Variants in SPAG16 observed in about 807,000 individuals in gnomAD.
SPAG16 encodes sperm associated antigen 16.
SPAG16 carries 86 observed loss-of-function variants against 80.4 expected under a neutral mutation model. That is an observed-to-expected ratio of 1.07 (90% confidence interval 0.90 to 1.28). SPAG16 has a LOEUF of 1.28. Among genes scored for constraint, SPAG16 ranks in the 50% most tolerant of loss-of-function variants. The pLI, the probability that SPAG16 is intolerant of heterozygous loss-of-function variation, is 0.00. For synonymous variants in SPAG16, 294 were observed against 265.9 expected, an observed-to-expected ratio of 1.11 and a Z score of -1.03; for missense variants, 870 against 765.3, an observed-to-expected ratio of 1.14 and a Z score of -1.61.
chr2:213,878,522 T>G (rs1031156891), intron 11 of SPAG16, among the ~76,000 whole-genome samples: 6 of 152,012 alleles, frequency 3.9e-5, no homozygotes, highest in Non-Finnish European at 8.8e-5. Context: ...TATTGCGGAG[T>G]TTTTTGAGTT....
intron 13 of SPAG16, among the ~76,000 whole-genome samples, chr2:214,054,546 G>T (rs1374909688): frequency 1.3e-5 from 2 of 152,126 alleles, no homozygotes; most frequent in Non-Finnish European, 2.9e-5. Context: ...AGACCCCAAT[G>T]AAGAAAATAT....
intron 9 of SPAG16, among the ~76,000 whole-genome samples, chr2:213,407,725 G>A (rs1458193158): frequency 6.9e-6 from 1 of 144,848 alleles, no homozygotes; most frequent in Admixed American, 6.9e-5. Flanking sequence ...AAGAGAGACA[G>A]GAGAGAGAGA....
chr2:213,424,643 T>C (rs1177374044), intron 9 of SPAG16, among the ~76,000 whole-genome samples: 5 of 152,220 alleles, frequency 3.3e-5, no homozygotes, highest in Non-Finnish European at 7.3e-5. Flanking sequence ...TCTAATGGCA[T>C]AAAAAATAAA....
At chr2:213,405,239 A>G (rs556635818) in intron 9 of SPAG16, among the ~76,000 whole-genome samples, 2 of 152,302 alleles carry the variant, frequency 1.3e-5, no homozygotes, top group African/African-American at 4.8e-5. Flanking sequence ...AATTTTAGCT[A>G]TTAAGATTTC....
chr2:213,416,621 A>G (rs1575535398), intron 9 of SPAG16, among the ~76,000 whole-genome samples: 2 of 152,084 alleles, frequency 1.3e-5, no homozygotes, highest in East Asian at 1.9e-4. Flanking sequence ...TGAACAAGGC[A>G]TTTCATTGAG....
intron 9 of SPAG16, among the ~76,000 whole-genome samples, chr2:213,394,736 A>C (rs1393005052): frequency 6.6e-6 from 1 of 152,190 alleles, no homozygotes; most frequent in Non-Finnish European, 1.5e-5. Context: ...GCATAATTCC[A>C]CTGAGTCATC....
At chr2:213,438,689 A>G (rs115129138) in intron 9 of SPAG16, among the ~76,000 whole-genome samples, 2,669 of 152,314 alleles carry the variant, frequency 0.018, 66 homozygotes, top group African/African-American at 0.05. Context: ...GTATGACGAG[A>G]TGGTACTCCT....
chr2:214,048,496 T>TA (rs959663848), intron 13 of SPAG16, among the ~76,000 whole-genome samples: 2 of 150,556 alleles, frequency 1.3e-5, no homozygotes, highest in African/African-American at 4.9e-5. Flanking sequence ...TTGTGGAAGC[T>TA]AAAAATTAAA....
chr2:213,293,092 G>A (rs554940603), intron 1 of SPAG16, among the ~76,000 whole-genome samples: 2 of 152,120 alleles, frequency 1.3e-5, no homozygotes, highest in Admixed American at 6.5e-5. Flanking sequence ...CCCCCATGCT[G>A]CTCTTGTGAT....
intron 13 of SPAG16, among the ~76,000 whole-genome samples, chr2:214,033,822 AAAC>A (rs374713628): frequency 2.1e-3 from 323 of 152,326 alleles, no homozygotes; most frequent in African/African-American, 7.4e-3. Flanking sequence ...TAATATCTAA[AAAC>A]AACAACATTC....
intron 11 of SPAG16, among the ~76,000 whole-genome samples, chr2:213,871,803 T>A (rs1379001478): frequency 1.3e-5 from 2 of 148,276 alleles, no homozygotes; most frequent in African/African-American, 5.1e-5. Context: ...ACACCAAACA[T>A]GGAATACAGA....
Position 213,350,639 on chromosome 2 carries a change from T to C in SPAG16, c.756T>C (p.Val252=). 1 of 1,575,266 alleles carries C rather than the reference T, an allele frequency of 6.3e-7. No homozygotes were observed. The highest frequency in any genetic ancestry group is 2.3e-5 in the East Asian group (1 of 44,060). The part of the protein sequence containing the change: ...MLTSLERDKV[V]GQISGLQETL... ...CCTCCTTGGAAAGAGACAAAGTAGT[T>C]GGGCAGGTAAAGATATAGTCAAAGC... Residue 252 remains valine (V), a synonymous_variant, in exon 7 of 16, where the codon GTT becomes GTC. Coordinates refer to ENST00000331683, the MANE Select transcript of SPAG16 (RefSeq NM_024532.5).
intron 10 of SPAG16, among the ~76,000 whole-genome samples, chr2:213,511,218 C>T (rs1332747923): frequency 2.0e-5 from 3 of 151,928 alleles, no homozygotes; most frequent in African/African-American, 4.8e-5. Flanking sequence ...TTTTATATGA[C>T]GTTATTAGCT....
chr2:213,772,762 T>C (rs2069330094), intron 10 of SPAG16, among the ~76,000 whole-genome samples: 1 of 152,186 alleles, frequency 6.6e-6, no homozygotes, highest in Admixed American at 6.5e-5. Flanking sequence ...AAAAAGCCTA[T>C]GCATTTTGGT....
chr2:213,929,671 C>T (rs2106243804), intron 11 of SPAG16, among the ~76,000 whole-genome samples: 1 of 152,294 alleles, frequency 6.6e-6, no homozygotes, highest in South Asian at 2.1e-4. Context: ...CAAACAAACA[C>T]ATGATAACAA....
intron 14 of SPAG16, among the ~76,000 whole-genome samples, chr2:214,142,559 TC>T (rs1295335449): frequency 6.6e-6 from 1 of 152,114 alleles, no homozygotes; most frequent in African/African-American, 2.4e-5. Flanking sequence ...TGTAACTATC[TC>T]CTTTGCCCCA....
chr2:213,301,011 G>T (rs1400754721), intron 3 of SPAG16, among the ~76,000 whole-genome samples: 2 of 151,968 alleles, frequency 1.3e-5, no homozygotes, highest in East Asian at 3.9e-4. Flanking sequence ...TCTCACGAGG[G>T]ATTAATATTA....
intron 10 of SPAG16, among the ~76,000 whole-genome samples, chr2:213,534,169 A>G (rs577783449): frequency 9.9e-5 from 15 of 152,188 alleles, no homozygotes; most frequent in Non-Finnish European, 1.8e-4. Flanking sequence ...TTATTGATTT[A>G]TAAGTCATTT....
At chr2:213,784,766 C>T (rs1000010763) in intron 10 of SPAG16, among the ~76,000 whole-genome samples, 1 of 151,376 alleles carries the variant, frequency 6.6e-6, no homozygotes, top group Admixed American at 6.6e-5. Flanking sequence ...CTCCATTGTA[C>T]TGGAAACTTG....
Sources: gnomAD v4.1 joint callset for allele counts (sites outside exome capture counted in the v4.1 genomes callset) on GRCh38, gnomAD v4.1.1 for gene constraint, MANE v1.5 for transcripts, NCBI Gene and HGNC (gene_info 2026-07-23, HGNC 2026-07-21) for gene names.